Variants in TNS3 observed in about 807,000 individuals in gnomAD.
TNS3 encodes tensin-3.
In TNS3, 45 loss-of-function variants were observed where a neutral mutation model predicts 140.9. The observed-to-expected ratio is 0.32, with a 90% CI of 0.25 to 0.41. The LOEUF (loss-of-function observed/expected upper bound fraction) is 0.41, where lower values mean the gene tolerates loss of function less well. Ranked by LOEUF, TNS3 falls within the 10% of genes least tolerant of loss-of-function variation. TNS3 has a pLI of 1.00. For missense variants in TNS3, 1,716 were observed against 1,906.7 expected, an observed-to-expected ratio of 0.90 and a Z score of 1.86; for synonymous variants, 815 against 788.4, an observed-to-expected ratio of 1.03 and a Z score of -0.56.
At chr7:47,406,108 ACTGT>A (rs1324174104) in intron 13 of TNS3, among the ~76,000 whole-genome samples, 1 of 152,140 alleles carries the variant, frequency 6.6e-6, no homozygotes, top group Non-Finnish European at 1.5e-5. Context: ...TCCCCATGGC[ACTGT>A]CTGACAATGC....
rs114071374 is a variant in TNS3, at chr7:47,413,908, A to G, written c.647+29T>C. On this transcript the variant is annotated intron_variant, in intron 12 of 30. Transcript: ENST00000311160. ...TTCCCTGAGCCGTCCAGGTCCCACA[A>G]CAGCAGCAGCAGCAGCAGCAGCACT... 2.5e-3 allele frequency: 4,046 copies of G among 1,599,938 alleles called. 77 individuals carry two copies. In the African/African-American group the frequency reaches 0.049, roughly 19 times the overall value.
chr7:47,289,661 A>C (rs1785593526), intron 27 of TNS3, among the ~76,000 whole-genome samples: 1 of 152,248 alleles, frequency 6.6e-6, no homozygotes, highest in Non-Finnish European at 1.5e-5. Flanking sequence ...AGCACCTCCC[A>C]AAAACTACTT....
At chr7:47,504,040 C>T (rs1798323551) in intron 3 of TNS3, among the ~76,000 whole-genome samples, 2 of 152,124 alleles carry the variant, frequency 1.3e-5, no homozygotes, top group South Asian at 2.1e-4. Flanking sequence ...GGGGGAGACA[C>T]AAACATCAAG....
At chr7:47,504,425 G>A (rs1049697491) in intron 3 of TNS3, among the ~76,000 whole-genome samples, 1 of 152,202 alleles carries the variant, frequency 6.6e-6, no homozygotes, top group Non-Finnish European at 1.5e-5. Context: ...CAGGGCATGT[G>A]TGGAGCCTGT....
At chr7:47,370,326 T>G (rs1475106238) in intron 16 of TNS3, among the ~76,000 whole-genome samples, 2 of 152,056 alleles carry the variant, frequency 1.3e-5, no homozygotes, top group Non-Finnish European at 2.9e-5. Context: ...CAAATGTCAA[T>G]ACGAAATTCA....
chr7:47,495,452 G>T (rs1362473079), intron 3 of TNS3, among the ~76,000 whole-genome samples: 1 of 152,120 alleles, frequency 6.6e-6, no homozygotes, highest in Non-Finnish European at 1.5e-5. Context: ...AGTATGGTGG[G>T]CACAGGGCCA....
chr7:47,467,259 G>C (rs1796758177), intron 4 of TNS3, among the ~76,000 whole-genome samples: 1 of 152,200 alleles, frequency 6.6e-6, no homozygotes, highest in Non-Finnish European at 1.5e-5. Flanking sequence ...GGGAGTGCTA[G>C]TGGTCATCAC....
intron 15 of TNS3, among the ~76,000 whole-genome samples, chr7:47,397,176 G>A (rs1340880539): frequency 6.6e-6 from 1 of 152,142 alleles, no homozygotes; most frequent in African/African-American, 2.4e-5. Context: ...TCTGCAAAAC[G>A]AGTCTTCAGA....
intron 3 of TNS3, among the ~76,000 whole-genome samples, chr7:47,499,053 A>G (rs1213079861): frequency 1.2e-4 from 19 of 152,230 alleles, no homozygotes; most frequent in Admixed American, 1.2e-3. Context: ...TGAGGCTCAG[A>G]TTACTAGGGA....
At chr7:47,538,044 T>C (rs1344712425) in intron 1 of TNS3, among the ~76,000 whole-genome samples, 2 of 148,344 alleles carry the variant, frequency 1.3e-5, no homozygotes, top group Non-Finnish European at 3.0e-5. Context: ...TCTTCCTTTA[T>C]GGGTCTGCGA....
chr7:47,443,240 G>A (rs998520475), intron 4 of TNS3, among the ~76,000 whole-genome samples: 3 of 152,190 alleles, frequency 2.0e-5, no homozygotes, highest in Non-Finnish European at 2.9e-5. Flanking sequence ...CAGTCTCATG[G>A]AGCTGTCCAG....
chr7:47,342,072 T>C (rs553771150), intron 20 of TNS3, among the ~76,000 whole-genome samples: 27 of 152,240 alleles, frequency 1.8e-4, no homozygotes, highest in African/African-American at 5.5e-4. Flanking sequence ...TTGGAGAACA[T>C]GTTCTGCATG....
At chr7:47,490,439 G>C (rs1797768407) in intron 3 of TNS3, among the ~76,000 whole-genome samples, 1 of 152,222 alleles carries the variant, frequency 6.6e-6, no homozygotes. Context: ...AGGGTCTTCT[G>C]TAAAGGAACT....
chr7:47,402,113 C>T (rs1793202221), intron 13 of TNS3, among the ~76,000 whole-genome samples: 2 of 152,210 alleles, frequency 1.3e-5, no homozygotes, highest in Non-Finnish European at 2.9e-5. Flanking sequence ...ACCAGATGAA[C>T]ATCCACCAGA....
At chr7:47,298,032 C>T (rs546853397) in intron 23 of TNS3, among the ~76,000 whole-genome samples, 3 of 152,176 alleles carry the variant, frequency 2.0e-5, no homozygotes, top group African/African-American at 4.8e-5. Flanking sequence ...GTGATCCACC[C>T]GCCTCAGCCT....
chr7:47,494,853 G>A (rs1337497457), intron 3 of TNS3, among the ~76,000 whole-genome samples: 1 of 152,142 alleles, frequency 6.6e-6, no homozygotes, highest in Non-Finnish European at 1.5e-5. Context: ...CAAAAGGGGG[G>A]AAGGGGAAAC....
intron 16 of TNS3, 174 bp downstream of exon 16, chr7:47,396,626 A>G: frequency 1.6e-6 from 1 of 633,132 alleles, no homozygotes. Context: ...CCTTATTCTC[A>G]CGAAGACCCT....
chr7:47,482,500 G>A (rs1329346971), intron 3 of TNS3, among the ~76,000 whole-genome samples: 1 of 152,144 alleles, frequency 6.6e-6, no homozygotes, highest in African/African-American at 2.4e-5. Context: ...AAACAGCTTT[G>A]GAAACAGAAG....
At chr7:47,503,036 G>A (rs986996913) in intron 3 of TNS3, among the ~76,000 whole-genome samples, 6 of 152,148 alleles carry the variant, frequency 3.9e-5, no homozygotes, top group African/African-American at 1.4e-4. Context: ...GGGGAGCTGC[G>A]CATCGGGACC....
Sources: allele counts gnomAD v4.1 joint callset (sites outside exome capture counted in the v4.1 genomes callset), GRCh38; gene constraint gnomAD v4.1.1; transcripts MANE v1.5; gene names NCBI Gene and HGNC (gene_info 2026-07-23, HGNC 2026-07-21).